The following CLCN5 variants were observed in gnomAD, a reference collection of about 807,000 sequenced individuals.
The protein encoded by CLCN5 is Cl-/H+ antiporter 5.
In CLCN5, 17 loss-of-function variants were observed where a neutral mutation model predicts 54.0. That is an observed-to-expected ratio of 0.31 (90% CI 0.22 to 0.47). The LOEUF is 0.47. Among genes scored for constraint, CLCN5 ranks in the 20% least tolerant of loss-of-function variants. The pLI is 1.00. For synonymous variants in CLCN5, 222 were observed against 233.0 expected, an observed-to-expected ratio of 0.95 and a Z score of 0.43; for missense variants, 448 against 646.7, an observed-to-expected ratio of 0.69 and a Z score of 3.33.
rs1557195434 is a variant in CLCN5 at position 50,095,379 on chromosome X, G to GT, written c.*3161dup. On this transcript the variant is annotated 3_prime_UTR_variant, in exon 15 of 15. Transcript: ENST00000376091. ...TGGCAACTTTAAAGATCATTTCTAC[G>GT]TGGATGTTTGGTTAGAAACATATTC... 2.7e-5 allele frequency: 3 copies of GT among 112,461 alleles called. No homozygotes were observed. The highest frequency in any genetic ancestry group is 9.4e-5 in the Admixed American group (1 of 10,676). 9.3% of individuals were successfully genotyped at this position (112,461 alleles called of 1,213,427 possible). A position where few individuals can be genotyped will look rare whatever the true frequency, so the allele number is the denominator to read the frequency against.
intron 3 of CLCN5, among the ~76,000 whole-genome samples, chrX:49,982,998 T>C (rs1928821065): frequency 8.9e-6 from 1 of 112,247 alleles, no homozygotes; most frequent in Non-Finnish European, 1.9e-5. Flanking sequence ...ATAACTGGTA[T>C]ACAAAAGACT....
rs181063146 is a variant in CLCN5 at position 49,977,471 on chromosome X, C to T, written c.16+52157C>T. Among the ~76,000 whole-genome samples, 87 of 111,429 alleles carry T rather than the reference C, an allele frequency of 7.8e-4. 1 individual carries two copies. Among genetic ancestry groups the T allele is most frequent in the Non-Finnish European group, 1.3e-3 (67 of 53,068 alleles). ...GTGAAACAATGTGGCCAAAGTCTGA[C>T]ATCAAATAAGTGTCTGGAGGGGAAT... On this transcript the variant is annotated intron_variant, in intron 3 of 14. Coordinates refer to ENST00000376091, the MANE Select transcript of CLCN5 (RefSeq NM_001127898.4).
At chrX:50,035,347 A>G (rs1228453756) in intron 3 of CLCN5, among the ~76,000 whole-genome samples, 1 of 111,418 alleles carries the variant, frequency 9.0e-6, no homozygotes, top group African/African-American at 3.3e-5. Flanking sequence ...TGTCAGCCAT[A>G]TAAATATGTT....
At chrX:50,038,932 A>G (rs1394342082) in intron 3 of CLCN5, among the ~76,000 whole-genome samples, 2 of 111,560 alleles carry the variant, frequency 1.8e-5, no homozygotes, top group African/African-American at 6.5e-5. Flanking sequence ...TACATGTTGT[A>G]TGTTTATGTC....
intron 3 of CLCN5, among the ~76,000 whole-genome samples, chrX:49,995,995 G>A (rs1321583076): frequency 8.9e-6 from 1 of 112,057 alleles, no homozygotes; most frequent in Non-Finnish European, 1.9e-5. Flanking sequence ...GGCCATTTCA[G>A]TGAAGGGTGC....
At chrX:49,964,452 A>G (rs1300101576) in intron 3 of CLCN5, among the ~76,000 whole-genome samples, 1 of 111,865 alleles carries the variant, frequency 8.9e-6, no homozygotes, top group Non-Finnish European at 1.9e-5. Context: ...CCCATTGTAT[A>G]GATGAAGAAA....
chrX:50,038,985 A>T (rs1050225146), intron 3 of CLCN5, among the ~76,000 whole-genome samples: 3 of 111,750 alleles, frequency 2.7e-5, no homozygotes, highest in African/African-American at 9.8e-5. Context: ...TCTACCAATG[A>T]GATCAATAGT....
intron 3 of CLCN5, among the ~76,000 whole-genome samples, chrX:50,005,524 T>G (rs1930108424): frequency 8.9e-6 from 1 of 112,072 alleles, no homozygotes; most frequent in South Asian, 3.8e-4. Context: ...AATGTTTGGT[T>G]CTCTTTATTT....
intron 3 of CLCN5, among the ~76,000 whole-genome samples, chrX:49,946,350 A>T (rs1316512586): frequency 1.8e-5 from 2 of 111,293 alleles, no homozygotes; most frequent in Non-Finnish European, 3.8e-5. Context: ...CACAGGCTGC[A>T]ATCAAGGTGT....
chrX:50,009,835 A>T (rs782656484), intron 3 of CLCN5: 3 of 380,007 alleles, frequency 7.9e-6, no homozygotes, highest in Admixed American at 7.7e-5. Flanking sequence ...GAAGATCTGT[A>T]TGTCACCTCT....
chrX:50,004,881 G>A (rs1930076151), intron 3 of CLCN5, among the ~76,000 whole-genome samples: 1 of 111,642 alleles, frequency 9.0e-6, no homozygotes, highest in African/African-American at 3.3e-5. Context: ...CTGCGCTCCA[G>A]CCTGGGTGAC....
At chrX:50,008,533 A>G (rs782631492) in intron 3 of CLCN5, 1 of 344,292 alleles carries the variant, frequency 2.9e-6, no homozygotes, top group South Asian at 2.9e-5. Flanking sequence ...CGTGTAGGAC[A>G]GAGCGTCTTT....
chrX:49,948,459 T>A (rs782287489), intron 3 of CLCN5, among the ~76,000 whole-genome samples: 93 of 111,754 alleles, frequency 8.3e-4, no homozygotes, highest in African/African-American at 2.9e-3. Context: ...GTTTTTTTTT[T>A]AATTCTGTGG....
chrX:49,922,871 C>G (rs985023620), intron 1 of CLCN5, 79 bp downstream of exon 1: 3 of 112,923 alleles, frequency 2.7e-5, no homozygotes, highest in Middle Eastern at 4.2e-3. Context: ...GGAGCACCCC[C>G]TAAGCGCAGC....
intron 3 of CLCN5, among the ~76,000 whole-genome samples, chrX:49,978,164 T>G (rs916194212): frequency 5.4e-5 from 6 of 111,647 alleles, no homozygotes; most frequent in Non-Finnish European, 1.9e-5. Context: ...GTGGACTTCA[T>G]GGGCATGCAA....
intron 3 of CLCN5, among the ~76,000 whole-genome samples, chrX:49,933,463 C>T (rs369963397): frequency 9.0e-5 from 10 of 111,617 alleles, no homozygotes; most frequent in African/African-American, 2.3e-4. Context: ...TCTTGGAGTG[C>T]GATAACCTGA....
In CLCN5 at chrX:50,086,629, T is replaced by C; in HGVS notation, c.1316T>C (p.Ile439Thr). Residue 439 changes from isoleucine (I) to threonine (T), a missense_variant, in exon 11 of 15, where the codon ATC becomes ACC. Around this residue, in one of 5 missense-constraint regions of CLCN5, gnomAD observed 297 missense variants for 470.4 expected, o/e 0.63. Coordinates refer to ENST00000376091, the MANE Select transcript of CLCN5 (RefSeq NM_001127898.4). Reference sequence around the variant, plus strand: ...CTCGTCGTGACAGCCATCACTGCCATCCTGGCTTTCCCCAATGAATACACT... The same window carrying C: ...CTCGTCGTGACAGCCATCACTGCCACCCTGGCTTTCCCCAATGAATACACT... The part of the protein sequence containing the change: ...EVLVVTAITA[I>T]LAFPNEYTRM... 2.5e-6 allele frequency: 3 copies of C among 1,211,216 alleles called. No homozygotes were observed. The highest frequency in any genetic ancestry group is 3.4e-6 in the Non-Finnish European group (3 of 895,384).
intron 3 of CLCN5, among the ~76,000 whole-genome samples, chrX:49,953,222 A>G (rs1349353517): frequency 8.9e-6 from 1 of 112,188 alleles, no homozygotes; most frequent in African/African-American, 3.2e-5. Flanking sequence ...GGATCACATC[A>G]TTTTGTAAAG....
intron 3 of CLCN5, among the ~76,000 whole-genome samples, chrX:49,943,884 G>A (rs782226885): frequency 2.9e-4 from 32 of 111,137 alleles, no homozygotes; most frequent in Non-Finnish European, 5.3e-4. Context: ...TTGGCAATGC[G>A]GGCTCTTTTT....
Sources: allele counts gnomAD v4.1 joint callset (sites outside exome capture counted in the v4.1 genomes callset), GRCh38; gene constraint gnomAD v4.1.1; regional missense constraint gnomAD v4.1.1; transcripts MANE v1.5; gene names NCBI Gene and HGNC (gene_info 2026-07-23, HGNC 2026-07-21).